The following NPEPPS variants were observed in gnomAD, a reference collection of about 807,000 sequenced individuals.
NPEPPS encodes aminopeptidase puromycin sensitive.
A neutral mutation model predicts 115.5 loss-of-function variants in NPEPPS; 14 were observed. The ratio of observed to expected loss-of-function variants is 0.12; its 90% confidence interval spans 0.08 to 0.19. The LOEUF is 0.19. Ranked by LOEUF, NPEPPS falls within the 10% of genes least tolerant of loss-of-function variation. The probability of loss-of-function intolerance (pLI) is 1.00; values close to 1 mark genes in which losing one functional copy is unlikely to be tolerated. For synonymous variants in NPEPPS, 285 were observed against 390.6 expected, an observed-to-expected ratio of 0.73 and a Z score of 3.19; for missense variants, 523 against 1,110.8, an observed-to-expected ratio of 0.47 and a Z score of 7.52.
chr17:47,619,104 C>T lies in NPEPPS; in HGVS notation c.2499C>T (p.Asp833=). The T allele has an allele frequency of 1.9e-6, 3 of 1,613,842 alleles. No homozygotes were observed. The highest frequency in any genetic ancestry group is 2.5e-6 in the Non-Finnish European group (3 of 1,179,814). Reference sequence around the variant, plus strand: ...AAGCTGCTTGGAAATTCATAAAGGACAACTGGGAAGAACTTTATAACCGAT... The same window carrying T: ...AAGCTGCTTGGAAATTCATAAAGGATAACTGGGAAGAACTTTATAACCGAT... The part of the protein sequence containing the change: ...GRKAAWKFIK[D]NWEELYNRYQ... Residue 833 remains aspartate (D), a synonymous_variant, in exon 21 of 23, where the codon GAC becomes GAT. Transcript: ENST00000322157.
intron 2 of NPEPPS, among the ~76,000 whole-genome samples, chr17:47,554,265 C>T (rs1909852543): frequency 6.6e-6 from 1 of 152,120 alleles, no homozygotes; most frequent in South Asian, 2.1e-4. Flanking sequence ...GTCTCAAACT[C>T]CTGACCTCAG....
intron 14 of NPEPPS, 95 bp from the exon 15 acceptor site, chr17:47,601,513 T>C: frequency 7.5e-7 from 1 of 1,335,318 alleles, no homozygotes; most frequent in Non-Finnish European, 1.1e-6. Context: ...CTTAACAGTT[T>C]GGCTTAGGCT....
intron 2 of NPEPPS, among the ~76,000 whole-genome samples, chr17:47,549,994 G>A (rs1057088677): frequency 2.0e-5 from 3 of 150,132 alleles, no homozygotes; most frequent in Non-Finnish European, 4.4e-5. Context: ...GAGTGCAGTG[G>A]CGCAGTCTCG....
rs144445220 is a variant in NPEPPS, at chr17:47,560,597, C to A, written c.341-8820C>A. On this transcript the variant is annotated intron_variant, in intron 2 of 22. Transcript: ENST00000322157. Reference sequence around the variant, plus strand: ...ACCTTGAAGCTTTGCAAAGTAAGTTCCTGGTTCCATTTTTCACTTGAATCC... The same window carrying A: ...ACCTTGAAGCTTTGCAAAGTAAGTTACTGGTTCCATTTTTCACTTGAATCC... 2.5e-3 allele frequency among the ~76,000 whole-genome samples: 374 copies of A among 152,206 alleles called. 3 individuals are homozygous for A. Among genetic ancestry groups the A allele is most frequent in the African/African-American group, 7.8e-3 (324 of 41,540 alleles).
intron 3 of NPEPPS, among the ~76,000 whole-genome samples, chr17:47,572,638 G>C (rs1015383290): frequency 4.6e-5 from 7 of 152,188 alleles, no homozygotes; most frequent in African/African-American, 1.7e-4. Flanking sequence ...CCCAGTAAAA[G>C]TGTTAAAAGA....
At chr17:47,559,173 A>G (rs1198713263) in intron 2 of NPEPPS, among the ~76,000 whole-genome samples, 1 of 152,068 alleles carries the variant, frequency 6.6e-6, no homozygotes, top group Non-Finnish European at 1.5e-5. Flanking sequence ...CCTCCTGAGT[A>G]GCTGGAACTA....
In NPEPPS at chr17:47,526,001, G is replaced by A. The variant is rs574805476; in HGVS notation, c.77+2938G>A. 1.1e-3 allele frequency among the ~76,000 whole-genome samples: 166 copies of A among 152,188 alleles called. 1 individual carries two copies. In the Middle Eastern group the frequency reaches 0.014, roughly 12 times the overall value. On this transcript the variant is annotated intron_variant, in intron 1 of 5. Transcript: ENST00000525007. ...CGAAGCAGGCAGATCACCTGAGGTCGGGAGTTTGAGATCAGCCTGACCAAC... is the reference window on the plus strand; with the variant it reads ...CGAAGCAGGCAGATCACCTGAGGTCAGGAGTTTGAGATCAGCCTGACCAAC...
intron 9 of NPEPPS, among the ~76,000 whole-genome samples, chr17:47,588,787 T>C (rs539824557): frequency 4.9e-4 from 74 of 152,234 alleles, no homozygotes; most frequent in Admixed American, 3.9e-4. Flanking sequence ...TTTTTACTGG[T>C]TTTATGTAAC....
At chr17:47,549,297 G>A (rs1909461470) in intron 2 of NPEPPS, among the ~76,000 whole-genome samples, 1 of 152,160 alleles carries the variant, frequency 6.6e-6, no homozygotes, top group South Asian at 2.1e-4. Context: ...AGCCAGGATC[G>A]TGCCACTGCA....
At chr17:47,554,783 C>T (rs1909890260) in intron 2 of NPEPPS, among the ~76,000 whole-genome samples, 1 of 152,154 alleles carries the variant, frequency 6.6e-6, no homozygotes, top group Non-Finnish European at 1.5e-5. Flanking sequence ...TAAACACAAG[C>T]CTTGTGATAC....
chr17:47,550,751 C>T (rs1247343744), intron 2 of NPEPPS, among the ~76,000 whole-genome samples: 1 of 151,584 alleles, frequency 6.6e-6, no homozygotes, highest in East Asian at 1.9e-4. Flanking sequence ...CTCAGCCTCC[C>T]GAGTAGCTGG....
Position 47,622,094 on chromosome 17 carries a change from A to C in NPEPPS, c.*174A>C. The C allele has an allele frequency of 7.8e-7, 1 of 1,284,804 alleles. No individual in the cohort carries two copies. Among genetic ancestry groups the C allele is most frequent in the Non-Finnish European group, 9.9e-7 (1 of 1,014,382 alleles). The allele number at this position is 1,284,804 out of a possible 1,614,324, so 79.6% of individuals were successfully genotyped here. The stretch of plus-strand genomic sequence containing the variant: ...CACACTCCAGAATTAAATTCTATTG[A>C]AAAAGGAAAATCAGCAATTCAGCAA... On this transcript the variant is annotated 3_prime_UTR_variant, in exon 23 of 23. Coordinates refer to ENST00000322157, the MANE Select transcript of NPEPPS (RefSeq NM_006310.4).
chr17:47,583,010 C>CTTTTTTT (rs745447996), intron 5 of NPEPPS, among the ~76,000 whole-genome samples, 161 bp downstream of exon 5: 1 of 135,146 alleles, frequency 7.4e-6, no homozygotes, highest in African/African-American at 2.7e-5. Flanking sequence ...CTTTTTCTTT[C>CTTTTTTT]TTTTTTTTTT....
intron 15 of NPEPPS, 89 bp from the exon 16 acceptor site, chr17:47,603,826 C>G: frequency 1.6e-6 from 2 of 1,271,612 alleles, no homozygotes; most frequent in Non-Finnish European, 2.2e-6. Flanking sequence ...CCAGATATAT[C>G]TAAAACCAGA....
At chr17:47,565,551 G>T (rs897046253) in intron 2 of NPEPPS, among the ~76,000 whole-genome samples, 1 of 151,500 alleles carries the variant, frequency 6.6e-6, no homozygotes, top group Non-Finnish European at 1.5e-5. Context: ...TTCATGTGGT[G>T]GTTCATGCCT....
chr17:47,553,137 C>T (rs989582663), intron 2 of NPEPPS, among the ~76,000 whole-genome samples: 5 of 151,800 alleles, frequency 3.3e-5, no homozygotes, highest in Admixed American at 1.3e-4. Flanking sequence ...GAGGCCGAGG[C>T]GGGCGGCTCA....
chr17:47,550,711 C>G (rs1157851370), intron 2 of NPEPPS, among the ~76,000 whole-genome samples: 1 of 150,802 alleles, frequency 6.6e-6, no homozygotes, highest in Admixed American at 6.6e-5. Context: ...ACTGCAACCT[C>G]TGCCTCCCAG....
At chr17:47,617,900 GAC>G (rs1212970369) in intron 19 of NPEPPS, among the ~76,000 whole-genome samples, 4 of 151,650 alleles carry the variant, frequency 2.6e-5, no homozygotes, top group Non-Finnish European at 5.9e-5. Flanking sequence ...TTATTTTTGA[GAC>G]AGAGTCTCGC....
chr17:47,527,332 A>AATTAAAAAAAGAAAAAG (rs2143635139), upstream of NPEPPS, among the ~76,000 whole-genome samples: 1 of 151,710 alleles, frequency 6.6e-6, no homozygotes, highest in South Asian at 2.1e-4. Context: ...AAAATACAAA[A>AATTAAAAAAAGAAAAAG]AAATTAACGG....
Sources: gnomAD v4.1 joint callset for allele counts (sites outside exome capture counted in the v4.1 genomes callset) on GRCh38, gnomAD v4.1.1 for gene constraint, MANE v1.5 for transcripts, NCBI Gene and HGNC (gene_info 2026-07-23, HGNC 2026-07-21) for gene names.